MS4A3: variants seen among roughly 807,000 people sequenced by gnomAD.
MS4A3 encodes the protein membrane-spanning 4-domains subfamily A member 3.
Under a neutral mutation model 24.7 loss-of-function variants are expected in MS4A3, and 18 were observed. The observed-to-expected ratio is 0.73, with a 90% CI of 0.50 to 1.08. The LOEUF is 1.08. MS4A3 is among the 50% of genes least tolerant of loss of function. The pLI is 0.00. For missense variants in MS4A3, 282 were observed against 251.7 expected (o/e 1.12, Z -0.82); for synonymous variants, 84 against 95.3 (o/e 0.88, Z 0.69).
intron 1 of MS4A3, among the ~76,000 whole-genome samples, chr11:60,058,046 C>T (rs1565060351): frequency 6.6e-6 from 1 of 152,204 alleles, no homozygotes; most frequent in South Asian, 2.1e-4. Context: ...GATGAGTAGA[C>T]AACGAGGTAA....
chr11:60,062,623 C>T lies in MS4A3; in HGVS notation c.294+18C>T. 6.2e-7 allele frequency: 1 copy of T among 1,613,464 alleles called. No homozygotes were observed. Among genetic ancestry groups the T allele is most frequent in the Non-Finnish European group, 8.5e-7 (1 of 1,179,732 alleles). On this transcript the variant is annotated intron_variant, in intron 3 of 6. Transcript: ENST00000278865. ...CTGTGTTTGTGAGTATTCGTACTCC[C>T]CTGGCTATATGTTATTTCTTAGATA...
intron 5 of MS4A3, among the ~76,000 whole-genome samples, chr11:60,067,541 C>T (rs1328767697): frequency 6.6e-6 from 1 of 151,974 alleles, no homozygotes; most frequent in Non-Finnish European, 1.5e-5. Flanking sequence ...GGTCTGTCGC[C>T]TATTTGCTTT....
chr11:60,069,586 C>G lies in MS4A3; in HGVS notation c.526C>G (p.Leu176Val), dbSNP rs759587663. ...TCATATCCCCTAGGGCATGGTGTCT[C>G]TACTGCTGATTCTCACCTTGCTGGA... ...MGSISNGMVSLLLILTLLELC... is the reference protein window; with the variant it reads ...MGSISNGMVSVLLILTLLELC... Residue 176 changes from leucine to valine, a missense_variant, in exon 6 of 7, where the codon CTA becomes GTA. By Grantham distance (32) the Leu-to-Val change is conservative (BLOSUM62 1). Coordinates refer to ENST00000278865, the MANE Select transcript of MS4A3 (RefSeq NM_006138.5). The G allele has an allele frequency of 6.2e-7, 1 of 1,612,546 alleles. No individual in the cohort carries two copies. The highest frequency in any genetic ancestry group is 1.7e-5 in the Admixed American group (1 of 59,996).
At chr11:60,069,262 C>G (rs1304664766) in intron 5 of MS4A3, among the ~76,000 whole-genome samples, 2 of 152,204 alleles carry the variant, frequency 1.3e-5, no homozygotes, top group Non-Finnish European at 2.9e-5. Context: ...CCTTAGTTTA[C>G]TACTATTCAG....
At chr11:60,062,668 T>C (rs576262603) in intron 3 of MS4A3, 63 bp downstream of exon 3, 1 of 1,579,986 alleles carries the variant, frequency 6.3e-7, no homozygotes, top group South Asian at 1.2e-5. Context: ...GAGATGTGTT[T>C]GATGACAAAA....
intron 4 of MS4A3, among the ~76,000 whole-genome samples, chr11:60,065,539 A>C (rs1855346881): frequency 6.6e-6 from 1 of 152,192 alleles, no homozygotes. Context: ...TACCGGTTTG[A>C]ATCAAACCCA....
intron 5 of MS4A3, among the ~76,000 whole-genome samples, chr11:60,068,176 G>T (rs1361122101): frequency 2.0e-5 from 3 of 151,716 alleles, no homozygotes; most frequent in Non-Finnish European, 4.4e-5. Flanking sequence ...AGTTTTGAAG[G>T]ACTGCGCTTT....
intron 5 of MS4A3, 100 bp downstream of exon 5, chr11:60,067,212 C>CTTTTTT (rs35764500): frequency 7.3e-5 from 40 of 548,722 alleles, no homozygotes; most frequent in Admixed American, 4.7e-4. Context: ...TAATTTGAAT[C>CTTTTTT]TTTTTTTTTT....
At chr11:60,061,458 G>C in intron 2 of MS4A3, 142 bp downstream of exon 2, 1 of 934,782 alleles carries the variant, frequency 1.1e-6, no homozygotes, top group South Asian at 1.5e-5. Flanking sequence ...GAGACAGCAA[G>C]AACAACCCCT....
At chr11:60,065,399 AAAC>A (rs1475260575) in intron 4 of MS4A3, among the ~76,000 whole-genome samples, 1 of 151,604 alleles carries the variant, frequency 6.6e-6, no homozygotes, top group African/African-American at 2.4e-5. Flanking sequence ...CTTAAAAACA[AAAC>A]AAAACAAAAC....
In MS4A3 at chr11:60,062,507, G is replaced by A; in HGVS notation, c.196G>A (p.Gly66Ser). The A allele has an allele frequency of 6.2e-7, 1 of 1,613,976 alleles. No homozygotes were observed. Among genetic ancestry groups the A allele is most frequent in the Non-Finnish European group, 8.5e-7 (1 of 1,179,972 alleles). Reference protein sequence around the residue: ...ILNAAMILALGVFLGSLQYPY... With the variant: ...ILNAAMILALSVFLGSLQYPY... The stretch of plus-strand genomic sequence containing the variant: ...GAATGCAGCAATGATTCTGGCTTTG[G>A]GTGTCTTTCTGGGTTCCTTGCAATA... The change falls in exon 3 of 7, where the codon GGT becomes AGT. Residue 66 changes from glycine (G) to serine (S), a missense_variant. Coordinates refer to ENST00000278865, the MANE Select transcript of MS4A3 (RefSeq NM_006138.5).
chr11:60,069,703 C>T (rs781692108), intron 6 of MS4A3, 28 bp downstream of exon 6: 3 of 1,517,028 alleles, frequency 2.0e-6, no homozygotes, highest in South Asian at 1.1e-5. Context: ...ATTAATCATT[C>T]ACATGATCTC....
rs1278336338 is a variant in MS4A3, at chr11:60,069,691, T to C, written c.615+16T>C. The C allele has an allele frequency of 6.4e-7, 1 of 1,572,606 alleles. No individual in the cohort carries two copies. The highest frequency in any genetic ancestry group is 1.7e-5 in the Admixed American group (1 of 59,958). On this transcript the variant is annotated intron_variant, in intron 6 of 6. Transcript: ENST00000278865. ...TTCAAGAGAGGTGAGATTTTTCAAA[T>C]GATTAATCATTCACATGATCTCAAA...
At chr11:60,057,043 C>T (rs936215227) in intron 1 of MS4A3, among the ~76,000 whole-genome samples, 1 of 152,134 alleles carries the variant, frequency 6.6e-6, no homozygotes, top group Non-Finnish European at 1.5e-5. Flanking sequence ...GTTTGTCTGC[C>T]AGCTCTGATG....
At position 60,067,053 on chromosome 11, in the gene MS4A3, A is replaced by T. The variant is rs539622698; in HGVS notation, c.454A>T (p.Ser152Cys). 4.6e-5 allele frequency: 75 copies of T among 1,613,414 alleles called. 2 individuals are homozygous for T. In the South Asian group the frequency reaches 8.0e-4, roughly 17 times the overall value. The change falls in exon 5 of 7, where the codon AGT becomes TGT. Residue 152 changes from serine to cysteine, a missense_variant. Transcript: ENST00000278865. Reference sequence around the variant, plus strand: ...AGCAGTTAATATCCAGTCATTAAGGAGTTGTCACTCTTCATCAGAGTCACC... The same window carrying T: ...AGCAGTTAATATCCAGTCATTAAGGTGTTGTCACTCTTCATCAGAGTCACC... ...NIAVNIQSLR[S>C]CHSSSESPDL...
At chr11:60,069,757 A>G (rs1855445830) in intron 6 of MS4A3, 82 bp downstream of exon 6, 1 of 986,456 alleles carries the variant, frequency 1.0e-6, no homozygotes, top group Non-Finnish European at 1.6e-6. Flanking sequence ...ATGCTTAGAA[A>G]TAAACCTTTA....
rs559857427 is a variant in MS4A3 at position 60,063,787 on chromosome 11, G to A, written c.295-475G>A. Among the ~76,000 whole-genome samples the A allele has an allele frequency of 9.2e-5, 14 of 152,312 alleles. No homozygotes were observed. In the South Asian group the frequency reaches 2.7e-3, roughly 29 times the overall value. On this transcript the variant is annotated intron_variant, in intron 3 of 6. Transcript: ENST00000278865. ...AGGAGTGGAAAATCAAACATCATAT[G>A]TTCTCACTTATAAGCGGGAGCTAAG...
At chr11:60,066,706 T>C (rs1227696898) in intron 4 of MS4A3, among the ~76,000 whole-genome samples, 1 of 152,212 alleles carries the variant, frequency 6.6e-6, no homozygotes, top group Non-Finnish European at 1.5e-5. Context: ...ACTTAATCAC[T>C]TTCAAAAATA....
At position 60,069,619 on chromosome 11, in the gene MS4A3, G is replaced by A. The variant is rs142101861; in HGVS notation, c.559G>A (p.Val187Ile). 602 of 1,613,548 alleles carry A rather than the reference G, an allele frequency of 3.7e-4. No homozygotes were observed. The highest frequency in any genetic ancestry group is 4.7e-4 in the Non-Finnish European group (555 of 1,179,620). The change falls in exon 6 of 7, where the codon GTA becomes ATA. Residue 187 changes from valine (V) to isoleucine (I), a missense_variant. Coordinates refer to ENST00000278865, the MANE Select transcript of MS4A3 (RefSeq NM_006138.5). ...GATTCTCACCTTGCTGGAATTATGCGTAACCATCTCTACCATAGCCATGTG... is the reference window on the plus strand; with the variant it reads ...GATTCTCACCTTGCTGGAATTATGCATAACCATCTCTACCATAGCCATGTG... ...LLILTLLELC[V>I]TISTIAMWCN...
Sources: allele counts gnomAD v4.1 joint callset (sites outside exome capture counted in the v4.1 genomes callset), GRCh38; gene constraint gnomAD v4.1.1; transcripts MANE v1.5; gene names NCBI Gene and HGNC (gene_info 2026-07-23, HGNC 2026-07-21).